TTLL12: variants seen among roughly 807,000 people sequenced by gnomAD.
The protein encoded by TTLL12 is tubulin--tyrosine ligase-like protein 12.
TTLL12 carries 77 observed loss-of-function variants against 79.6 expected under a neutral mutation model. The ratio of observed to expected loss-of-function variants is 0.97; its 90% CI spans 0.81 to 1.17. The LOEUF (loss-of-function observed/expected upper bound fraction) is 1.17. TTLL12 is among the 50% of genes most tolerant of loss of function. TTLL12 has a pLI of 0.00. For missense variants in TTLL12, 969 were observed against 895.9 expected, an observed-to-expected ratio of 1.08 and a Z score of -1.04; for synonymous variants, 437 against 376.1, an observed-to-expected ratio of 1.16 and a Z score of -1.87.
At position 43,174,860 on chromosome 22, in the gene TTLL12, C is replaced by T. The variant is rs568147025; in HGVS notation, c.918-245G>A. 2.1e-4 allele frequency among the ~76,000 whole-genome samples: 32 copies of T among 152,356 alleles called. No individual in the cohort carries two copies. In the East Asian group the frequency reaches 4.4e-3, roughly 21 times the overall value. ...CCCCATCCGCAGGACTGGACCACAC[C>T]GTCCACCTCACATTTGTCATTAAAA... On this transcript the variant is annotated intron_variant, in intron 6 of 13. Coordinates refer to ENST00000216129, the MANE Select transcript of TTLL12 (RefSeq NM_015140.4).
At chr22:43,181,088 G>A in intron 2 of TTLL12, 148 bp from the exon 3 acceptor site, 3 of 879,136 alleles carry the variant, frequency 3.4e-6, no homozygotes, top group South Asian at 3.5e-5. Flanking sequence ...GCCTAGTTTT[G>A]GACTCCAGTG....
intron 2 of TTLL12, 123 bp from the exon 3 acceptor site, chr22:43,181,063 G>A: frequency 8.8e-7 from 1 of 1,135,306 alleles, no homozygotes; most frequent in Non-Finnish European, 1.2e-6. Flanking sequence ...TTGGTCTACT[G>A]GGTGCCATAG....
intron 10 of TTLL12, 30 bp downstream of exon 10, chr22:43,172,373 G>A (rs1931787801): frequency 3.1e-6 from 5 of 1,607,600 alleles, no homozygotes; most frequent in Non-Finnish European, 4.3e-6. Context: ...CCAGCTCCCC[G>A]ACCCTGGACC....
chr22:43,169,023 C>G (rs916254), intron 12 of TTLL12, 111 bp from the exon 13 acceptor site: 1 of 1,388,600 alleles, frequency 7.2e-7, no homozygotes, highest in South Asian at 1.4e-5. Flanking sequence ...TCACCCCCTC[C>G]CACATCTTCA....
At chr22:43,179,532 T>C in intron 5 of TTLL12, 87 bp downstream of exon 5, 2 of 1,431,474 alleles carry the variant, frequency 1.4e-6, no homozygotes, top group Non-Finnish European at 1.8e-6. Context: ...GGCACCCGGC[T>C]GGGGTTTGAT....
At chr22:43,185,123 G>T (rs1932146259) in intron 1 of TTLL12, among the ~76,000 whole-genome samples, 1 of 151,574 alleles carries the variant, frequency 6.6e-6, no homozygotes, top group South Asian at 2.1e-4. Context: ...AGCTACTCGG[G>T]AGGCTGAGGC....
At chr22:43,181,042 C>G (rs2071724) in intron 2 of TTLL12, 102 bp from the exon 3 acceptor site, 2 of 1,313,694 alleles carry the variant, frequency 1.5e-6, no homozygotes, top group Non-Finnish European at 1.0e-6. Context: ...AGGGCCCAAG[C>G]TTCCTTAGAT....
At position 43,179,715 on chromosome 22, in the gene TTLL12, G is replaced by C; in HGVS notation, c.744C>G (p.Asp248Glu). Residue 248 changes from aspartate (D) to glutamate (E), a missense_variant, in exon 5 of 14, where the codon GAC becomes GAG. Physicochemically the swap from Asp to Glu is conservative, Grantham distance 45. Coordinates refer to ENST00000216129, the MANE Select transcript of TTLL12 (RefSeq NM_015140.4). Reference protein sequence around the residue: ...VTRDFAYGETDPLIRKCMLLP... With the variant: ...VTRDFAYGETEPLIRKCMLLP... ...GCAGCATGCACTTCCGGATCAGGGG[G>C]TCCGTCTCTCCGTAGGCAAAGTCTC... The C allele has an allele frequency of 6.4e-7, 1 of 1,566,292 alleles. No individual in the cohort carries two copies. The highest frequency in any genetic ancestry group is 1.2e-5 in the South Asian group (1 of 85,476).
intron 6 of TTLL12, among the ~76,000 whole-genome samples, chr22:43,176,040 G>A (rs1363515062): frequency 4.0e-5 from 6 of 148,488 alleles, no homozygotes; most frequent in East Asian, 2.1e-4. Context: ...AGCTTAGATC[G>A]TGCCACTGCA....
chr22:43,183,826 C>T (rs34985928), intron 1 of TTLL12, among the ~76,000 whole-genome samples: 14,459 of 152,330 alleles, frequency 0.095, 785 homozygotes, highest in Non-Finnish European at 0.11. Flanking sequence ...TGCCACAAGC[C>T]GGCAAGGGGG....
chr22:43,169,421 G>C (rs1411982707), intron 12 of TTLL12, 79 bp downstream of exon 12: 1 of 1,255,530 alleles, frequency 8.0e-7, no homozygotes, highest in African/African-American at 1.5e-5. Flanking sequence ...CCAGCAGAGA[G>C]GGAAGGGAGC....
chr22:43,172,450 G>C lies in TTLL12; in HGVS notation c.1446C>G (p.Pro482=). The C allele has an allele frequency of 6.2e-7, 1 of 1,614,158 alleles. No individual in the cohort carries two copies. Among genetic ancestry groups the C allele is most frequent in the Admixed American group, 1.7e-5 (1 of 60,016 alleles). The change falls in exon 10 of 14, where the codon CCC becomes CCG. Residue 482 remains proline, a synonymous_variant. Coordinates refer to ENST00000216129, the MANE Select transcript of TTLL12 (RefSeq NM_015140.4). ...RYIVLLRSVR[P]LRLFVYDVFW... ...ACACATCATACACGAACAACCGTAG[G>C]GGCCTCACTGACCGCAGCAGCACGA...
At chr22:43,168,265 C>G in intron 13 of TTLL12, 106 bp from the exon 14 acceptor site, 1 of 1,470,790 alleles carries the variant, frequency 6.8e-7, no homozygotes, top group South Asian at 1.3e-5. Flanking sequence ...AACCTGGGCC[C>G]TGATTCCCAG....
chr22:43,176,502 G>C, intron 5 of TTLL12, 106 bp from the exon 6 acceptor site: 1 of 881,730 alleles, frequency 1.1e-6, no homozygotes, highest in Non-Finnish European at 1.9e-6. Flanking sequence ...GGGTGAGGCA[G>C]GTGGATCACG....
rs769197680 is a variant in TTLL12, at chr22:43,176,415, G to A, written c.841-19C>T. The A allele has an allele frequency of 2.5e-6, 4 of 1,593,532 alleles. No individual in the cohort carries two copies. Among genetic ancestry groups the A allele is most frequent in the Admixed American group, 3.6e-5 (2 of 55,320 alleles). On this transcript the variant is annotated intron_variant, in intron 5 of 13. Coordinates refer to ENST00000216129, the MANE Select transcript of TTLL12 (RefSeq NM_015140.4). ...GAATGGCCTAAAAGGAAACACACCG[G>A]AAGTAGAGATGAGGTCAAGGAAGGG... is the stretch of plus-strand genomic sequence containing the variant.
chr22:43,169,016 C>T lies in TTLL12; in HGVS notation c.1645-104G>A, dbSNP rs375202160. 357 of 1,412,670 alleles carry T rather than the reference C, an allele frequency of 2.5e-4. 7 individuals are homozygous for T. In the South Asian group the frequency reaches 4.6e-3, roughly 18 times the overall value. 87.5% of individuals were successfully genotyped at this position (1,412,670 alleles called of 1,614,324 possible). ...CCCGGGCCCCACGTGGCCCAAGTCA[C>T]CCCCTCCCACATCTTCACGTCTCTA... On this transcript the variant is annotated intron_variant, in intron 12 of 13. Transcript: ENST00000216129.
At chr22:43,179,814 T>C in intron 4 of TTLL12, 27 bp downstream of exon 4, 6 of 1,558,114 alleles carry the variant, frequency 3.9e-6, no homozygotes, top group Admixed American at 1.9e-5. Context: ...AGGCCCCTCC[T>C]CCAGGGCGGG....
chr22:43,174,235 G>C lies in TTLL12; in HGVS notation c.1203C>G (p.Val401=). ...FNLRTELPQF[V]SYFQQRERWG... ...ACCTTTCCCGCTGCTGGAAGTAGCTGACAAACTGGGGCAGCTCAGTGCGCA... is the reference window on the plus strand; with the variant it reads ...ACCTTTCCCGCTGCTGGAAGTAGCTCACAAACTGGGGCAGCTCAGTGCGCA... Residue 401 remains valine (V), a synonymous_variant, in exon 8 of 14, where the codon GTC becomes GTG. Coordinates refer to ENST00000216129, the MANE Select transcript of TTLL12 (RefSeq NM_015140.4). 6.2e-7 allele frequency: 1 copy of C among 1,606,108 alleles called. No homozygotes were observed. Among genetic ancestry groups the C allele is most frequent in the Non-Finnish European group, 8.5e-7 (1 of 1,179,852 alleles).
chr22:43,172,701 C>G, intron 9 of TTLL12, 147 bp from the exon 10 acceptor site: 1 of 632,450 alleles, frequency 1.6e-6, no homozygotes, highest in Non-Finnish European at 2.5e-6. Flanking sequence ...GCTGCAAAGT[C>G]TTTTTTTTTT....
Sources: allele counts gnomAD v4.1 joint callset (sites outside exome capture counted in the v4.1 genomes callset), GRCh38; gene constraint gnomAD v4.1.1; transcripts MANE v1.5; gene names NCBI Gene and HGNC (gene_info 2026-07-23, HGNC 2026-07-21).